The following NF1 variants were observed in gnomAD, a reference collection of about 807,000 sequenced individuals.
NF1 encodes neurofibromin.
Under a neutral mutation model 325.7 loss-of-function variants are expected in NF1, and 122 were observed. The ratio of observed to expected loss-of-function variants is 0.37; its 90% CI spans 0.32 to 0.44. NF1 has a LOEUF of 0.44. Ranked by LOEUF, NF1 falls within the 20% of genes least tolerant of loss-of-function variation. The pLI is 1.00. For synonymous variants in NF1, 1,091 were observed against 1,186.0 expected (o/e 0.92, Z 1.65); for missense variants, 2,140 against 3,415.4 (o/e 0.63, Z 9.31).
chr17:31,274,122 A>G (rs535998314), intron 36 of NF1, among the ~76,000 whole-genome samples: 1 of 152,338 alleles, frequency 6.6e-6, no homozygotes, highest in African/African-American at 2.4e-5. Context: ...GTTAAACTTC[A>G]TTAATATGAA....
intron 36 of NF1, among the ~76,000 whole-genome samples, chr17:31,278,745 G>A (rs1291480351): frequency 6.6e-6 from 1 of 151,390 alleles, no homozygotes; most frequent in East Asian, 1.9e-4. Flanking sequence ...CTCCTGAGTA[G>A]CTGGGATTAC....
intron 36 of NF1, chr17:31,278,372 G>A (rs897573678): frequency 1.6e-5 from 2 of 121,820 alleles, no homozygotes; most frequent in African/African-American, 6.8e-5. Context: ...TTTCCCTTCT[G>A]TAATTTTTTT....
chr17:31,301,593 C>T (rs2068574920), intron 36 of NF1, among the ~76,000 whole-genome samples: 2 of 152,120 alleles, frequency 1.3e-5, no homozygotes, highest in South Asian at 4.1e-4. Flanking sequence ...ACCACTGACA[C>T]CAAATAGAAG....
chr17:31,267,054 C>T (rs1442297165), intron 36 of NF1, among the ~76,000 whole-genome samples: 2 of 151,982 alleles, frequency 1.3e-5, no homozygotes, highest in Non-Finnish European at 2.9e-5. Context: ...GTCTTAGCCT[C>T]CCGAGTAGCT....
At chr17:31,300,545 G>T (rs935358087) in intron 36 of NF1, among the ~76,000 whole-genome samples, 3 of 152,004 alleles carry the variant, frequency 2.0e-5, no homozygotes, top group Admixed American at 1.3e-4. Flanking sequence ...TATTCAACCA[G>T]TCCCCTATTG....
chr17:31,298,332 G>A (rs1013407801), intron 36 of NF1, among the ~76,000 whole-genome samples: 17 of 152,052 alleles, frequency 1.1e-4, no homozygotes, highest in Non-Finnish European at 2.2e-4. Context: ...CAAGTTTAAA[G>A]AAAGCAAATA....
chr17:31,290,560 A>G (rs945865261), intron 36 of NF1, among the ~76,000 whole-genome samples: 2 of 152,220 alleles, frequency 1.3e-5, no homozygotes, highest in African/African-American at 4.8e-5. Flanking sequence ...CTGAAGTGAC[A>G]CAGCTAGTAA....
At chr17:31,262,789 T>C (rs1398042887) in intron 35 of NF1, among the ~76,000 whole-genome samples, 2 of 152,220 alleles carry the variant, frequency 1.3e-5, no homozygotes, top group African/African-American at 4.8e-5. Flanking sequence ...ACTAGATTTT[T>C]TTTAGTGTAA....
intron 1 of NF1, among the ~76,000 whole-genome samples, chr17:31,152,031 C>G (rs572544360): frequency 1.3e-5 from 2 of 152,096 alleles, no homozygotes; most frequent in Non-Finnish European, 2.9e-5. Context: ...ATTCCTCCCC[C>G]CTCCCCCTAC....
intron 8 of NF1, among the ~76,000 whole-genome samples, chr17:31,184,542 C>T (rs187713324): frequency 6.0e-5 from 9 of 149,612 alleles, no homozygotes; most frequent in Admixed American, 3.3e-4. Flanking sequence ...CCAGCTACTC[C>T]GGAGGCTGAG....
At chr17:31,251,409 T>G (rs1456585090) in intron 30 of NF1, 1 of 198,900 alleles carries the variant, frequency 5.0e-6, no homozygotes. Flanking sequence ...CCAGCTCTAT[T>G]ACTTTATATA....
At chr17:31,366,718 C>T (rs898156039) in intron 57 of NF1, among the ~76,000 whole-genome samples, 2 of 152,090 alleles carry the variant, frequency 1.3e-5, no homozygotes, top group Non-Finnish European at 2.9e-5. Context: ...ATGAGACCCT[C>T]GTCTTTTAAA....
intron 30 of NF1, chr17:31,249,999 T>C (rs1222164490): frequency 6.1e-6 from 3 of 495,672 alleles, no homozygotes; most frequent in Non-Finnish European, 1.2e-5. Context: ...CTTCAGTTGC[T>C]TAGAGACGTT....
chr17:31,161,405 G>A lies in NF1; in HGVS notation c.289-1781G>A, dbSNP rs529570809. Among the ~76,000 whole-genome samples the A allele has an allele frequency of 1.5e-4, 23 of 152,290 alleles. 1 individual carries two copies. In the South Asian group the frequency reaches 4.8e-3, roughly 32 times the overall value. On this transcript the variant is annotated intron_variant, in intron 3 of 57. Coordinates refer to ENST00000358273, the MANE Select transcript of NF1 (RefSeq NM_001042492.3). Reference sequence around the variant, plus strand: ...GCTTGGATTGCAGTTACAGAATTGAGCGTAGCATACAATTGTACACATTTT... The same window carrying A: ...GCTTGGATTGCAGTTACAGAATTGAACGTAGCATACAATTGTACACATTTT...
chr17:31,324,819 C>T (rs951415856), intron 36 of NF1, among the ~76,000 whole-genome samples: 1 of 152,236 alleles, frequency 6.6e-6, no homozygotes, highest in Non-Finnish European at 1.5e-5. Flanking sequence ...GCCTCAGCCT[C>T]CCAGAGTGCT....
intron 12 of NF1, among the ~76,000 whole-genome samples, chr17:31,210,989 A>G (rs536423042): frequency 6.6e-6 from 1 of 152,292 alleles, no homozygotes; most frequent in East Asian, 1.9e-4. Context: ...CCAATAACAG[A>G]TATATGAATT....
chr17:31,356,324 A>G, intron 51 of NF1, 136 bp from the exon 52 acceptor site: 1 of 809,486 alleles, frequency 1.2e-6, no homozygotes, highest in Non-Finnish European at 2.0e-6. Context: ...AAACTGCTCC[A>G]GGGATGTATT....
intron 29 of NF1, among the ~76,000 whole-genome samples, chr17:31,239,388 A>G: frequency 6.6e-6 from 1 of 152,220 alleles, no homozygotes; most frequent in East Asian, 1.9e-4. Flanking sequence ...ATGCAAAGAC[A>G]AACAGAAGAA....
rs559114383 is a variant in NF1, at chr17:31,364,167, A to G, written c.8377+3464A>G. Among the ~76,000 whole-genome samples, 6 of 152,296 alleles carry G rather than the reference A, an allele frequency of 3.9e-5. No homozygotes were observed. In the South Asian group the frequency reaches 1.2e-3, roughly 32 times the overall value. On this transcript the variant is annotated intron_variant, in intron 57 of 57. Coordinates refer to ENST00000358273, the MANE Select transcript of NF1 (RefSeq NM_001042492.3). ...TGTATAGAAACCAAAACATTTCCTT[A>G]TCTCCATTCCCAGCAGCCAAGTCTC...
Sources: gnomAD v4.1 joint callset for allele counts (sites outside exome capture counted in the v4.1 genomes callset) on GRCh38, gnomAD v4.1.1 for gene constraint, MANE v1.5 for transcripts, NCBI Gene and HGNC (gene_info 2026-07-23, HGNC 2026-07-21) for gene names.